The following EFCAB6 variants were observed in gnomAD, a reference collection of about 807,000 sequenced individuals.
EFCAB6 encodes EF-hand calcium-binding domain-containing protein 6.
Under a neutral mutation model 169.8 loss-of-function variants are expected in EFCAB6, and 156 were observed. The observed-to-expected ratio is 0.92, with a 90% CI of 0.81 to 1.05. The LOEUF (loss-of-function observed/expected upper bound fraction) is 1.05. Among genes scored for constraint, EFCAB6 ranks in the 50% least tolerant of loss-of-function variants. The pLI, the probability that EFCAB6 is intolerant of heterozygous loss-of-function variation, is 0.00. For missense variants in EFCAB6, 1,800 were observed against 1,829.1 expected (o/e 0.98, Z 0.29); for synonymous variants, 698 against 676.4 (o/e 1.03, Z -0.50).
intron 10 of EFCAB6, among the ~76,000 whole-genome samples, chr22:43,690,873 A>G (rs2058387940): frequency 6.6e-6 from 1 of 151,928 alleles, no homozygotes; most frequent in Non-Finnish European, 1.5e-5. Context: ...TGTTTCTTCA[A>G]GGAAGCCTTC....
At chr22:43,714,355 A>G (rs2059258450) in intron 9 of EFCAB6, among the ~76,000 whole-genome samples, 1 of 152,114 alleles carries the variant, frequency 6.6e-6, no homozygotes, top group Admixed American at 6.6e-5. Flanking sequence ...GGAGGAAGGG[A>G]GAGAGAGGAG....
chr22:43,558,408 C>T (rs933391970), intron 26 of EFCAB6, among the ~76,000 whole-genome samples: 18 of 151,006 alleles, frequency 1.2e-4, no homozygotes, highest in African/African-American at 4.5e-4. Flanking sequence ...ACAGGCATAC[C>T]TCATTTTTTT....
At chr22:43,607,198 C>T (rs1547416) in intron 22 of EFCAB6, among the ~76,000 whole-genome samples, 31,974 of 152,140 alleles carry the variant, frequency 0.21, 3,597 homozygotes, top group Middle Eastern at 0.26. Flanking sequence ...TGATAGAACA[C>T]CTGCCTCCCT....
chr22:43,536,309 T>C (rs140444203), intron 29 of EFCAB6: 1 of 152,376 alleles, frequency 6.6e-6, no homozygotes, highest in African/African-American at 2.4e-5. Context: ...AGATTTTTTA[T>C]ACTTAATTTA....
intron 16 of EFCAB6, among the ~76,000 whole-genome samples, chr22:43,667,716 G>A (rs1422337782): frequency 1.3e-5 from 2 of 152,136 alleles, no homozygotes; most frequent in African/African-American, 4.8e-5. Flanking sequence ...ACTAGATCAA[G>A]GAAGTCATCA....
chr22:43,632,291 C>CTTTTTT, intron 18 of EFCAB6, 53 bp from the exon 19 acceptor site: 4 of 1,316,688 alleles, frequency 3.0e-6, no homozygotes, highest in Non-Finnish European at 4.0e-6. Flanking sequence ...AGCTTCATTC[C>CTTTTTT]TTCTTTTTTT....
At chr22:43,666,172 C>T (rs752335070) in intron 17 of EFCAB6, among the ~76,000 whole-genome samples, 4 of 152,184 alleles carry the variant, frequency 2.6e-5, no homozygotes, top group Non-Finnish European at 4.4e-5. Context: ...ATTCTCCTGG[C>T]TCTCCCCATA....
chr22:43,737,538 C>A (rs1159600011), intron 6 of EFCAB6, among the ~76,000 whole-genome samples: 1 of 151,330 alleles, frequency 6.6e-6, no homozygotes, highest in African/African-American at 2.4e-5. Flanking sequence ...CCATCACTCA[C>A]ACACACATGT....
At chr22:43,781,766 A>G (rs2061829665) in intron 3 of EFCAB6, among the ~76,000 whole-genome samples, 1 of 152,118 alleles carries the variant, frequency 6.6e-6, no homozygotes, top group African/African-American at 2.4e-5. Context: ...AATGTACCAC[A>G]GTAATATGAG....
chr22:43,532,836 G>GGGGCCA (rs1469824703), intron 30 of EFCAB6, among the ~76,000 whole-genome samples: 3 of 152,236 alleles, frequency 2.0e-5, no homozygotes, highest in Non-Finnish European at 4.4e-5. Context: ...GGTGGGGGGT[G>GGGGCCA]GGGCCAGGGC....
At chr22:43,649,189 A>C (rs1354260333) in intron 17 of EFCAB6, among the ~76,000 whole-genome samples, 2 of 152,246 alleles carry the variant, frequency 1.3e-5, no homozygotes, top group African/African-American at 4.8e-5. Flanking sequence ...GCAGAGATAA[A>C]TAATGATGTC....
At chr22:43,603,542 G>T (rs13340044) in intron 22 of EFCAB6, among the ~76,000 whole-genome samples, 5,859 of 152,338 alleles carry the variant, frequency 0.038, 122 homozygotes, top group African/African-American at 0.05. Flanking sequence ...CACATAATTT[G>T]AGTATGTTCA....
At chr22:43,745,103 A>G (rs1181639108) in intron 6 of EFCAB6, among the ~76,000 whole-genome samples, 2 of 152,212 alleles carry the variant, frequency 1.3e-5, no homozygotes, top group African/African-American at 2.4e-5. Flanking sequence ...TTTGTACCCC[A>G]CTGAGTTCAG....
At chr22:43,756,668 A>C (rs2147868790) in intron 5 of EFCAB6, among the ~76,000 whole-genome samples, 1 of 152,326 alleles carries the variant, frequency 6.6e-6, no homozygotes, top group South Asian at 2.1e-4. Flanking sequence ...ATGGGAAATA[A>C]GCAAACAAGT....
rs552256275 is a variant in EFCAB6, at chr22:43,623,591, A to C, written c.2465+2856T>G. On this transcript the variant is annotated intron_variant, in intron 20 of 31. Transcript: ENST00000262726. ...GGGGCCCAACCAAGAGGGCAGGAAG[A>C]CTTTTAGAAAGGGGTGGTATCCGGC... Among the ~76,000 whole-genome samples, 3 of 152,120 alleles carry C rather than the reference A, an allele frequency of 2.0e-5. No individual in the cohort carries two copies. The South Asian group carries it at 6.3e-4, about 32-fold the overall frequency.
intron 10 of EFCAB6, among the ~76,000 whole-genome samples, chr22:43,708,050 A>G (rs2059017703): frequency 6.6e-6 from 1 of 151,082 alleles, no homozygotes; most frequent in African/African-American, 2.4e-5. Flanking sequence ...TTTAAGTCTT[A>G]AAACAGTGGA....
intron 10 of EFCAB6, among the ~76,000 whole-genome samples, chr22:43,688,697 G>A (rs1391777743): frequency 2.0e-5 from 3 of 152,188 alleles, no homozygotes; most frequent in Non-Finnish European, 2.9e-5. Context: ...AAAAAGCCTC[G>A]GTTGCAGGCT....
intron 17 of EFCAB6, among the ~76,000 whole-genome samples, chr22:43,658,676 C>T (rs1408772464): frequency 6.6e-6 from 1 of 152,108 alleles, no homozygotes. Flanking sequence ...CGGGGCACAG[C>T]TGGATGCCAA....
rs113465998 is a variant in EFCAB6 at position 43,665,268 on chromosome 22, C to T, written c.1983+1836G>A. Among the ~76,000 whole-genome samples the T allele has an allele frequency of 2.6e-3, 403 of 152,108 alleles. 2 individuals carry two copies. Among genetic ancestry groups the T allele is most frequent in the African/African-American group, 8.4e-3 (347 of 41,470 alleles). ...CTGGTTTATCAATGGCAGGTACAAC[C>T]GGAAGCCAGAAGAACCTGCAACTGA... On this transcript the variant is annotated intron_variant, in intron 17 of 31. Transcript: ENST00000262726.
Sources: allele counts gnomAD v4.1 joint callset (sites outside exome capture counted in the v4.1 genomes callset), GRCh38; gene constraint gnomAD v4.1.1; transcripts MANE v1.5; gene names NCBI Gene and HGNC (gene_info 2026-07-23, HGNC 2026-07-21).